ZC3H12B: variants seen among roughly 807,000 people sequenced by gnomAD.
ZC3H12B encodes probable ribonuclease ZC3H12B.
ZC3H12B carries 7 observed loss-of-function variants against 43.9 expected under a neutral mutation model. The observed-to-expected ratio is 0.16, with a 90% CI of 0.09 to 0.30. The LOEUF is 0.30. ZC3H12B is among the 10% of genes least tolerant of loss of function. The pLI is 1.00. For synonymous variants in ZC3H12B, 222 were observed against 241.7 expected, an observed-to-expected ratio of 0.92 and a Z score of 0.76; for missense variants, 475 against 670.2, an observed-to-expected ratio of 0.71 and a Z score of 3.22.
chrX:65,419,248 C>G (rs1392428765), intron 3 of ZC3H12B, among the ~76,000 whole-genome samples: 1 of 111,962 alleles, frequency 8.9e-6, no homozygotes, highest in African/African-American at 3.2e-5. Flanking sequence ...CTGCCTCTAT[C>G]TAGGAAAATC....
chrX:65,091,672 G>A, the ZC3H12B span, among the ~76,000 whole-genome samples: 1 of 111,186 alleles, frequency 9.0e-6, no homozygotes, highest in Non-Finnish European at 1.9e-5. Flanking sequence ...TCATTTTGTA[G>A]ATGAGAAAAC....
chrX:65,201,892 G>A, the ZC3H12B span, among the ~76,000 whole-genome samples: 67 of 105,614 alleles, frequency 6.3e-4, no homozygotes, highest in African/African-American at 2.0e-3. Context: ...GCTTTCATAA[G>A]GGGCTTCTCC....
At chrX:65,058,470 G>A in the ZC3H12B span, among the ~76,000 whole-genome samples, 10 of 112,216 alleles carry the variant, frequency 8.9e-5, no homozygotes, top group Admixed American at 8.5e-4. Context: ...GCCATGTGAG[G>A]TGTCAGTCTG....
chrX:65,139,827 A>G, the ZC3H12B span, among the ~76,000 whole-genome samples: 1 of 111,379 alleles, frequency 9.0e-6, no homozygotes, highest in East Asian at 2.8e-4. Context: ...ATTCCTAAGC[A>G]TTTTACTTTT....
chrX:65,106,483 A>G, the ZC3H12B span, among the ~76,000 whole-genome samples: 1 of 111,807 alleles, frequency 8.9e-6, no homozygotes, highest in Non-Finnish European at 1.9e-5. Context: ...GAAGAAGACA[A>G]GATCAGAGGA....
chrX:65,160,703 A>G, the ZC3H12B span, among the ~76,000 whole-genome samples: 1 of 111,391 alleles, frequency 9.0e-6, no homozygotes, highest in South Asian at 3.8e-4. Context: ...GATCCTTTCA[A>G]AAAACCAGTG....
chrX:65,353,318 C>T, the ZC3H12B span, among the ~76,000 whole-genome samples: 1 of 111,090 alleles, frequency 9.0e-6, no homozygotes, highest in Non-Finnish European at 1.9e-5. Context: ...CTCATATCTC[C>T]CCCTCTTTTT....
At chrX:65,130,579 G>A in the ZC3H12B span, among the ~76,000 whole-genome samples, 1 of 111,609 alleles carries the variant, frequency 9.0e-6, no homozygotes, top group African/African-American at 3.3e-5. Flanking sequence ...ATGGAAGACT[G>A]AGAAGTGACT....
At chrX:65,155,886 A>T in the ZC3H12B span, among the ~76,000 whole-genome samples, 3 of 110,052 alleles carry the variant, frequency 2.7e-5, no homozygotes, top group South Asian at 3.9e-4. Context: ...AATTATTCCC[A>T]CTTTTCCTGT....
the ZC3H12B span, among the ~76,000 whole-genome samples, chrX:65,263,095 G>A: frequency 6.5e-3 from 715 of 110,401 alleles, 39 homozygotes; most frequent in Admixed American, 0.065. Flanking sequence ...CTTTAAAATG[G>A]GATAATATTC....
chrX:65,286,694 A>G, the ZC3H12B span, among the ~76,000 whole-genome samples: 1 of 110,665 alleles, frequency 9.0e-6, no homozygotes, highest in Non-Finnish European at 1.9e-5. Flanking sequence ...AAATGCATAT[A>G]CATATATATT....
chrX:65,389,701 A>T (rs966761628), intron 2 of ZC3H12B, among the ~76,000 whole-genome samples: 1 of 112,510 alleles, frequency 8.9e-6, no homozygotes, highest in Non-Finnish European at 1.9e-5. Context: ...GGAAATGCAG[A>T]AATCACCCGT....
chrX:65,130,495 G>A, the ZC3H12B span, among the ~76,000 whole-genome samples: 1 of 108,540 alleles, frequency 9.2e-6, no homozygotes, highest in Non-Finnish European at 1.9e-5. Flanking sequence ...TCCTGGGCAG[G>A]GGCAAATCCC....
chrX:65,245,454 C>A, the ZC3H12B span, among the ~76,000 whole-genome samples: 1 of 111,649 alleles, frequency 9.0e-6, no homozygotes, highest in African/African-American at 3.3e-5. Context: ...AAATAACTGG[C>A]AAACAGAATC....
At chrX:65,070,483 A>C in the ZC3H12B span, among the ~76,000 whole-genome samples, 1 of 109,688 alleles carries the variant, frequency 9.1e-6, no homozygotes, top group Non-Finnish European at 1.9e-5. Flanking sequence ...TAGCTTTGAG[A>C]CTGGTTTTCT....
the ZC3H12B span, among the ~76,000 whole-genome samples, chrX:65,202,142 A>T: frequency 8.7e-4 from 59 of 67,767 alleles, 22 homozygotes; most frequent in African/African-American, 9.1e-3. Context: ...TATTTTATAT[A>T]ATATGAAATA....
the ZC3H12B span, among the ~76,000 whole-genome samples, chrX:65,213,599 G>A: frequency 9.0e-6 from 1 of 110,634 alleles, no homozygotes; most frequent in Non-Finnish European, 1.9e-5. Context: ...GAGTCTGATG[G>A]GAGGCTCCAC....
At chrX:65,251,583 T>C in the ZC3H12B span, among the ~76,000 whole-genome samples, 1 of 111,648 alleles carries the variant, frequency 9.0e-6, no homozygotes, top group East Asian at 2.8e-4. Flanking sequence ...ATGGAATGTT[T>C]TTCCATTTGT....
At chrX:65,462,279 G>A (rs2067761107) in intron 3 of ZC3H12B, among the ~76,000 whole-genome samples, 1 of 111,097 alleles carries the variant, frequency 9.0e-6, no homozygotes, top group Admixed American at 9.6e-5. Context: ...GGGAGGCCAG[G>A]GCGGGTGGAT....
Sources: gnomAD v4.1 joint callset for allele counts (sites outside exome capture counted in the v4.1 genomes callset) on GRCh38, gnomAD v4.1.1 for gene constraint, MANE v1.5 for transcripts, NCBI Gene and HGNC (gene_info 2026-07-23, HGNC 2026-07-21) for gene names.